Variants in ADAMTS12 observed in about 807,000 individuals in gnomAD.
ADAMTS12 encodes A disintegrin and metalloproteinase with thrombospondin motifs 12.
In ADAMTS12, 118 loss-of-function variants were observed where a neutral mutation model predicts 167.8. That is an observed-to-expected ratio of 0.70 (90% CI 0.61 to 0.82). ADAMTS12 has a LOEUF of 0.82. Among genes scored for constraint, ADAMTS12 ranks in the 40% least tolerant of loss-of-function variants. The pLI is 0.00. For missense variants in ADAMTS12, 1,916 were observed against 1,998.8 expected (o/e 0.96, Z 0.79); for synonymous variants, 704 against 716.9 (o/e 0.98, Z 0.29).
chr5:33,809,568 G>A (rs1747370621), intron 2 of ADAMTS12, among the ~76,000 whole-genome samples: 1 of 152,142 alleles, frequency 6.6e-6, no homozygotes, highest in Non-Finnish European at 1.5e-5. Context: ...TCTTCAATCT[G>A]AGGATTGAGC....
In ADAMTS12 at chr5:33,615,763, T is replaced by C. The variant is rs536413987; in HGVS notation, c.2388+65A>G. 12 of 1,586,982 alleles carry C rather than the reference T, an allele frequency of 7.6e-6. No individual in the cohort carries two copies. In the South Asian group the frequency reaches 1.3e-4, roughly 17 times the overall value. ...ACTTAATGTCCCCTAGCAAGTACCTTGGGGAAAAAGGAGAAGTATTCTAAC... is the reference window on the plus strand; with the variant it reads ...ACTTAATGTCCCCTAGCAAGTACCTCGGGGAAAAAGGAGAAGTATTCTAAC... On this transcript the variant is annotated intron_variant, in intron 15 of 23. Coordinates refer to ENST00000504830, the MANE Select transcript of ADAMTS12 (RefSeq NM_030955.4).
At chr5:33,669,703 T>C (rs11956568) in intron 5 of ADAMTS12, among the ~76,000 whole-genome samples, 149,323 of 151,986 alleles carry the variant, frequency 0.98, 73,402 homozygotes, top group East Asian at 1. Flanking sequence ...GTGAAAAATT[T>C]AAATCCAGAT....
chr5:33,615,742 A>T, intron 15 of ADAMTS12, 86 bp downstream of exon 15: 1 of 1,523,610 alleles, frequency 6.6e-7, no homozygotes, highest in Non-Finnish European at 8.9e-7. Context: ...ATTCTGACTT[A>T]ATGTCCCCTA....
intron 13 of ADAMTS12, among the ~76,000 whole-genome samples, chr5:33,629,615 G>C (rs932054813): frequency 3.9e-5 from 6 of 152,146 alleles, no homozygotes; most frequent in African/African-American, 1.2e-4. Flanking sequence ...CTTGCACAAA[G>C]GCTATCACAA....
intron 2 of ADAMTS12, among the ~76,000 whole-genome samples, chr5:33,778,463 T>G (rs569634342): frequency 1.3e-4 from 19 of 150,926 alleles, no homozygotes; most frequent in Admixed American, 4.6e-4. Context: ...GAAGACTGGA[T>G]ATGCACATTC....
chr5:33,747,896 T>C (rs1366856464), intron 3 of ADAMTS12, among the ~76,000 whole-genome samples: 4 of 152,206 alleles, frequency 2.6e-5, no homozygotes, highest in Non-Finnish European at 5.9e-5. Flanking sequence ...CAAAGAGGTA[T>C]ATTCTATTTA....
chr5:33,594,010 TA>T (rs1747779257), intron 17 of ADAMTS12, among the ~76,000 whole-genome samples: 1 of 152,306 alleles, frequency 6.6e-6, no homozygotes, highest in South Asian at 2.1e-4. Context: ...CAATCATAAA[TA>T]AAAAGCACTT....
At position 33,749,776 on chromosome 5, in the gene ADAMTS12, C is replaced by T. The variant is rs529869245; in HGVS notation, c.634+1628G>A. Among the ~76,000 whole-genome samples, 10 of 152,204 alleles carry T rather than the reference C, an allele frequency of 6.6e-5. No homozygotes were observed. The East Asian group carries it at 1.4e-3, about 21-fold the overall frequency. On this transcript the variant is annotated intron_variant, in intron 3 of 23. Transcript: ENST00000504830. ...TAGGGGGCCATGATAGTTGTAAACC[C>T]CACTCTTTTCTTATCCATCCCTTCT...
intron 2 of ADAMTS12, among the ~76,000 whole-genome samples, chr5:33,791,146 A>G (rs1314282450): frequency 6.6e-6 from 1 of 152,208 alleles, no homozygotes; most frequent in African/African-American, 2.4e-5. Context: ...TCACATGCAC[A>G]GCAGCATGGC....
At chr5:33,833,271 C>T (rs951538444) in intron 2 of ADAMTS12, among the ~76,000 whole-genome samples, 1 of 152,204 alleles carries the variant, frequency 6.6e-6, no homozygotes, top group Middle Eastern at 3.4e-3. Context: ...TTGTATGTAC[C>T]CATTGGCCTC....
chr5:33,849,646 T>TAGCAATATATATGTATTGCAC (rs1749137754), intron 2 of ADAMTS12, among the ~76,000 whole-genome samples: 6 of 132,418 alleles, frequency 4.5e-5, no homozygotes, highest in East Asian at 2.2e-4. Flanking sequence ...ATGTATTGCA[T>TAGCAATATATATGTATTGCAC]AGCAATATAT....
chr5:33,870,441 T>A (rs553855308), intron 2 of ADAMTS12, among the ~76,000 whole-genome samples: 1 of 152,310 alleles, frequency 6.6e-6, no homozygotes, highest in South Asian at 2.1e-4. Flanking sequence ...CATGAAATCT[T>A]CAAAATTTAT....
At chr5:33,577,214 T>G in intron 18 of ADAMTS12, 54 bp from the exon 19 acceptor site, 6 of 1,610,596 alleles carry the variant, frequency 3.7e-6, no homozygotes, top group Non-Finnish European at 5.1e-6. Flanking sequence ...TTTATTCTCA[T>G]GGTTAGGTCT....
chr5:33,553,720 G>A (rs1490884765), intron 20 of ADAMTS12, among the ~76,000 whole-genome samples: 3 of 152,206 alleles, frequency 2.0e-5, no homozygotes, highest in Admixed American at 2.0e-4. Flanking sequence ...ACAGAGGGTG[G>A]AGTGTGGGAG....
intron 2 of ADAMTS12, among the ~76,000 whole-genome samples, chr5:33,833,776 C>CA (rs1179294762): frequency 1.3e-5 from 2 of 151,864 alleles, no homozygotes; most frequent in Admixed American, 1.3e-4. Flanking sequence ...AATTAATTCA[C>CA]AAAAAAATTC....
At chr5:33,677,570 A>G (rs1741964388) in intron 5 of ADAMTS12, among the ~76,000 whole-genome samples, 1 of 152,228 alleles carries the variant, frequency 6.6e-6, no homozygotes, top group South Asian at 2.1e-4. Flanking sequence ...AAATTGGTCT[A>G]AAACAGAAAG....
At chr5:33,740,221 T>G (rs1744515326) in intron 3 of ADAMTS12, among the ~76,000 whole-genome samples, 1 of 152,186 alleles carries the variant, frequency 6.6e-6, no homozygotes, top group Admixed American at 6.5e-5. Context: ...TGACTGTATA[T>G]AAGCAAGACT....
At chr5:33,710,927 T>C (rs1743381075) in intron 3 of ADAMTS12, among the ~76,000 whole-genome samples, 2 of 152,282 alleles carry the variant, frequency 1.3e-5, no homozygotes, top group South Asian at 4.1e-4. Flanking sequence ...ATAGTGAATG[T>C]GGGGCAAGTG....
rs961036206 is a variant in ADAMTS12 at position 33,855,297 on chromosome 5, T to C, written c.489+25822A>G. Among the ~76,000 whole-genome samples, 14 of 152,354 alleles carry C rather than the reference T, an allele frequency of 9.2e-5. No homozygotes were observed. The East Asian group carries it at 1.9e-3, about 21-fold the overall frequency. On this transcript the variant is annotated intron_variant, in intron 2 of 23. Transcript: ENST00000504830. ...CATTTTAAATGTCACTAATCCTCATTTGTAGCATTCACACAGCTAAACAGA... is the reference window on the plus strand; with the variant it reads ...CATTTTAAATGTCACTAATCCTCATCTGTAGCATTCACACAGCTAAACAGA...
Sources: allele counts gnomAD v4.1 joint callset (sites outside exome capture counted in the v4.1 genomes callset), GRCh38; gene constraint gnomAD v4.1.1; transcripts MANE v1.5; gene names NCBI Gene and HGNC (gene_info 2026-07-23, HGNC 2026-07-21).